Variants in CCDC169 observed in about 807,000 individuals in gnomAD.
CCDC169 encodes the protein coiled-coil domain-containing protein 169.
A neutral mutation model predicts 36.0 loss-of-function variants in CCDC169; 30 were observed. That is an observed-to-expected ratio of 0.83 (90% CI 0.62 to 1.13). The LOEUF (loss-of-function observed/expected upper bound fraction) is 1.13. Among genes scored for constraint, CCDC169 ranks in the 50% most tolerant of loss-of-function variants. CCDC169 has a pLI of 0.00. For synonymous variants in CCDC169, 85 were observed against 81.5 expected, an observed-to-expected ratio of 1.04 and a Z score of -0.23; for missense variants, 245 against 245.9, an observed-to-expected ratio of 1.00 and a Z score of 0.03.
intron 2 of CCDC169, among the ~76,000 whole-genome samples, chr13:36,295,137 G>A (rs1879325503): frequency 6.6e-6 from 1 of 152,038 alleles, no homozygotes; most frequent in African/African-American, 2.4e-5. Flanking sequence ...TAACTCACCC[G>A]AATTCTGTTA....
intron 2 of CCDC169, among the ~76,000 whole-genome samples, chr13:36,284,861 T>A (rs1235218468): frequency 6.6e-6 from 1 of 152,038 alleles, no homozygotes; most frequent in East Asian, 1.9e-4. Context: ...CTGACACAGG[T>A]CTCCCTTACA....
intron 4 of CCDC169, 23 bp from the exon 5 acceptor site, chr13:36,254,166 T>C (rs760241883): frequency 6.9e-7 from 1 of 1,450,146 alleles, no homozygotes; most frequent in East Asian, 2.5e-5. Context: ...ATAGTAAAAT[T>C]TTATATGTAC....
intron 4 of CCDC169, among the ~76,000 whole-genome samples, chr13:36,264,983 G>A (rs893055038): frequency 1.3e-5 from 2 of 152,144 alleles, no homozygotes; most frequent in African/African-American, 4.8e-5. Context: ...CAAGTTGATT[G>A]GTAGCACTGT....
At chr13:36,239,832 C>CCA (rs35797582) in intron 7 of CCDC169, among the ~76,000 whole-genome samples, 61,396 of 151,692 alleles carry the variant, frequency 0.4, 13,169 homozygotes, top group Non-Finnish European at 0.48. Context: ...GTTTTACTTT[C>CCA]CAGTTTCAGT....
chr13:36,240,137 C>T (rs1871606173), intron 7 of CCDC169, among the ~76,000 whole-genome samples: 1 of 152,118 alleles, frequency 6.6e-6, no homozygotes, highest in Middle Eastern at 3.4e-3. Flanking sequence ...GACTACTGTA[C>T]CACCTTGCTT....
chr13:36,294,215 T>C (rs1323867503), intron 2 of CCDC169, among the ~76,000 whole-genome samples: 1 of 152,176 alleles, frequency 6.6e-6, no homozygotes, highest in Non-Finnish European at 1.5e-5. Flanking sequence ...ACATACTAGC[T>C]CCTTCTTTTG....
intron 7 of CCDC169, among the ~76,000 whole-genome samples, chr13:36,238,635 C>T (rs987575216): frequency 9.2e-5 from 14 of 151,986 alleles, no homozygotes; most frequent in Non-Finnish European, 1.9e-4. Context: ...ATTTATAGTA[C>T]TAAATGATTT....
At chr13:36,296,547 A>G (rs1318484786) in intron 1 of CCDC169, among the ~76,000 whole-genome samples, 1 of 152,274 alleles carries the variant, frequency 6.6e-6, no homozygotes, top group Non-Finnish European at 1.5e-5. Context: ...AGAGAAAAAA[A>G]CAAACACTAA....
intron 2 of CCDC169, among the ~76,000 whole-genome samples, chr13:36,293,052 G>A (rs1207804982): frequency 3.3e-5 from 5 of 152,104 alleles, no homozygotes; most frequent in African/African-American, 7.2e-5. Context: ...GAAAGAAGAG[G>A]GTAAGCTCAT....
At chr13:36,236,180 A>C (rs909229893) in intron 7 of CCDC169, among the ~76,000 whole-genome samples, 8 of 151,956 alleles carry the variant, frequency 5.3e-5, no homozygotes, top group African/African-American at 1.9e-4. Context: ...AATAAAAGGG[A>C]CTCTGAATAA....
intron 2 of CCDC169, 21 bp from the exon 3 acceptor site, chr13:36,283,723 A>G (rs751490178): frequency 6.6e-7 from 1 of 1,509,276 alleles, no homozygotes; most frequent in South Asian, 1.2e-5. Context: ...ACAGGGAGAA[A>G]CAATCAAGAT....
chr13:36,257,411 G>T, intron 4 of CCDC169, among the ~76,000 whole-genome samples: 1 of 152,148 alleles, frequency 6.6e-6, no homozygotes, highest in East Asian at 1.9e-4. Context: ...TGCCTACAAA[G>T]AGTCTGTCTA....
downstream of CCDC169, among the ~76,000 whole-genome samples, chr13:36,229,789 T>C (rs1320303954): frequency 6.6e-6 from 1 of 152,040 alleles, no homozygotes; most frequent in Non-Finnish European, 1.5e-5. Context: ...GTGATCTGCC[T>C]GCCTTGGCCT....
chr13:36,285,680 C>T (rs1020414346), intron 2 of CCDC169, among the ~76,000 whole-genome samples: 4 of 150,874 alleles, frequency 2.7e-5, no homozygotes, highest in East Asian at 1.9e-4. Flanking sequence ...AGTATACAGT[C>T]GTAACCAAAT....
At position 36,231,223 on chromosome 13, in the gene CCDC169, T is replaced by C; in HGVS notation, c.615A>G (p.Arg205=). 1 of 1,551,326 alleles carries C rather than the reference T, an allele frequency of 6.4e-7. No individual in the cohort carries two copies. ...GATGGAGTTCTGGAAGATGGTTTGGTCTTGTAATCTTTTTTACTGGTCCTC... is the reference window on the plus strand; with the variant it reads ...GATGGAGTTCTGGAAGATGGTTTGGCCTTGTAATCTTTTTTACTGGTCCTC... ...AKRGPVKKIT[R]PNHLPELHP is the part of the protein sequence containing the mutation. The change falls in exon 8 of 8, where the codon AGA becomes AGG. Residue 205 remains arginine, a synonymous_variant. Coordinates refer to ENST00000239859, the MANE Select transcript of CCDC169 (RefSeq NM_001144981.3).
At chr13:36,249,360 A>C (rs913085212) in intron 6 of CCDC169, among the ~76,000 whole-genome samples, 3 of 152,322 alleles carry the variant, frequency 2.0e-5, no homozygotes. Flanking sequence ...CTATCATAGA[A>C]GTCAAGTCAG....
chr13:36,297,445 A>G (rs1339101877), intron 1 of CCDC169, among the ~76,000 whole-genome samples, 192 bp downstream of exon 1: 1 of 152,172 alleles, frequency 6.6e-6, no homozygotes, highest in Non-Finnish European at 1.5e-5. Flanking sequence ...CTACTTAACA[A>G]TACCAAAGGC....
intron 7 of CCDC169, among the ~76,000 whole-genome samples, chr13:36,243,129 C>T (rs180709376): frequency 4.6e-5 from 7 of 152,322 alleles, no homozygotes; most frequent in South Asian, 4.1e-4. Context: ...ACTGCAGCTG[C>T]GCTATAGCCC....
intron 4 of CCDC169, among the ~76,000 whole-genome samples, chr13:36,265,948 G>A (rs1875252541): frequency 6.6e-6 from 1 of 152,118 alleles, no homozygotes; most frequent in Non-Finnish European, 1.5e-5. Context: ...ATCCTTGAGA[G>A]ATCTAGTTAT....
Sources: gnomAD v4.1 joint callset for allele counts (sites outside exome capture counted in the v4.1 genomes callset) on GRCh38, gnomAD v4.1.1 for gene constraint, MANE v1.5 for transcripts, NCBI Gene and HGNC (gene_info 2026-07-23, HGNC 2026-07-21) for gene names.